The following RBFOX1 variants were observed in gnomAD, a reference collection of about 807,000 sequenced individuals.
RBFOX1 encodes RNA binding fox-1 homolog 1.
RBFOX1 carries 8 observed loss-of-function variants against 57.7 expected under a neutral mutation model. The observed-to-expected ratio is 0.14, with a 90% confidence interval of 0.08 to 0.25. RBFOX1 has a LOEUF of 0.25. Among genes scored for constraint, RBFOX1 ranks in the 10% least tolerant of loss-of-function variants. RBFOX1 has a pLI of 1.00. For missense variants in RBFOX1, 611 were observed against 548.5 expected, an observed-to-expected ratio of 1.11 and a Z score of -1.14; for synonymous variants, 326 against 222.4, an observed-to-expected ratio of 1.47 and a Z score of -4.15.
At chr16:7,285,818 C>G (rs1266694130) in intron 4 of RBFOX1, among the ~76,000 whole-genome samples, 2 of 152,136 alleles carry the variant, frequency 1.3e-5, no homozygotes, top group Non-Finnish European at 2.9e-5. Flanking sequence ...GGATTTAGCT[C>G]TTATAAATAA....
At chr16:7,560,657 T>C (rs1471808491) in intron 5 of RBFOX1, among the ~76,000 whole-genome samples, 4 of 152,060 alleles carry the variant, frequency 2.6e-5, no homozygotes, top group Non-Finnish European at 4.4e-5. Context: ...TTTTCATAAA[T>C]TGAGATTCAG....
chr16:6,549,525 GGGAGGA>G (rs1196682002), intron 2 of RBFOX1, among the ~76,000 whole-genome samples: 2 of 112,874 alleles, frequency 1.8e-5, no homozygotes, highest in Non-Finnish European at 3.9e-5. Context: ...GAGGAGAGGA[GGGAGGA>G]GGAGGAGGGG....
intron 2 of RBFOX1, among the ~76,000 whole-genome samples, chr16:6,379,409 C>T (rs545730457): frequency 2.0e-5 from 3 of 152,230 alleles, no homozygotes; most frequent in Admixed American, 6.5e-5. Context: ...TAATGGCCCC[C>T]GCCCCCCTAC....
At chr16:5,442,341 C>T (rs997372660) in intron 1 of RBFOX1, among the ~76,000 whole-genome samples, 4 of 152,182 alleles carry the variant, frequency 2.6e-5, no homozygotes, top group African/African-American at 9.7e-5. Flanking sequence ...GGCCACAAGG[C>T]CAAGGAAGCC....
chr16:6,838,388 C>T (rs943970354), intron 3 of RBFOX1, among the ~76,000 whole-genome samples: 5 of 152,174 alleles, frequency 3.3e-5, no homozygotes, highest in African/African-American at 1.2e-4. Flanking sequence ...ATAATATTCC[C>T]TGGTGCATAT....
At chr16:6,881,925 C>T (rs975706534) in intron 3 of RBFOX1, among the ~76,000 whole-genome samples, 1 of 152,122 alleles carries the variant, frequency 6.6e-6, no homozygotes, top group African/African-American at 2.4e-5. Flanking sequence ...ATGTAGGCTC[C>T]TGCTGGCTAA....
chr16:6,202,896 C>T lies in RBFOX1; in HGVS notation c.-126-114099C>T, dbSNP rs189421443. Among the ~76,000 whole-genome samples, 568 of 152,158 alleles carry T rather than the reference C, an allele frequency of 3.7e-3. 19 individuals are homozygous for T. Among genetic ancestry groups the T allele is most frequent in the Non-Finnish European group, 7.8e-4 (53 of 67,996 alleles). On this transcript the variant is annotated intron_variant, in intron 1 of 15. Coordinates refer to ENST00000550418, the MANE Select transcript of RBFOX1 (RefSeq NM_018723.4). ...CAAATATTCCTCCTGCCTCAGCCTCCCAAGTAGCTGGGACTACAGGTGCAT... is the reference window on the plus strand; with the variant it reads ...CAAATATTCCTCCTGCCTCAGCCTCTCAAGTAGCTGGGACTACAGGTGCAT...
chr16:6,381,860 A>G (rs2091849549), intron 2 of RBFOX1, among the ~76,000 whole-genome samples: 1 of 152,196 alleles, frequency 6.6e-6, no homozygotes, highest in Non-Finnish European at 1.5e-5. Context: ...CGGGCTGTTT[A>G]TAGGGCACGG....
chr16:5,685,725 G>C (rs1250172018), intron 3 of RBFOX1, among the ~76,000 whole-genome samples: 1 of 152,148 alleles, frequency 6.6e-6, no homozygotes, highest in Non-Finnish European at 1.5e-5. Context: ...GGAGAGGGTG[G>C]TGCCTCCTTC....
At chr16:7,170,062 A>G (rs1189897175) in intron 4 of RBFOX1, among the ~76,000 whole-genome samples, 1 of 152,196 alleles carries the variant, frequency 6.6e-6, no homozygotes, top group Admixed American at 6.5e-5. Context: ...TGATAGAGGA[A>G]GACCCTGTCT....
At chr16:5,776,524 G>A (rs1015279312) in intron 3 of RBFOX1, among the ~76,000 whole-genome samples, 2 of 152,172 alleles carry the variant, frequency 1.3e-5, no homozygotes, top group African/African-American at 4.8e-5. Context: ...AATAAGGGTT[G>A]GTATTTATTA....
chr16:5,610,692 T>TA (rs34321335), intron 3 of RBFOX1: 92,872 of 151,012 alleles, frequency 0.61, 31,550 homozygotes, highest in East Asian at 0.78. Flanking sequence ...ATCAGAAAAT[T>TA]AAAAAAAAAT....
chr16:6,604,874 G>A (rs572788239), intron 2 of RBFOX1, among the ~76,000 whole-genome samples: 5 of 152,182 alleles, frequency 3.3e-5, no homozygotes, highest in African/African-American at 4.8e-5. Flanking sequence ...GGTGGCACAC[G>A]CCTGTAATCT....
At chr16:6,480,988 C>A (rs1253291963) in intron 2 of RBFOX1, among the ~76,000 whole-genome samples, 1 of 152,162 alleles carries the variant, frequency 6.6e-6, no homozygotes, top group Non-Finnish European at 1.5e-5. Context: ...CAAGCAATAG[C>A]AATTATATCC....
chr16:6,592,040 GT>G (rs1367351243), intron 2 of RBFOX1, among the ~76,000 whole-genome samples: 2 of 152,168 alleles, frequency 1.3e-5, no homozygotes, highest in Non-Finnish European at 2.9e-5. Flanking sequence ...AAACTTAACA[GT>G]TTCAGACTTC....
intron 2 of RBFOX1, among the ~76,000 whole-genome samples, chr16:5,588,182 C>A (rs1028816373): frequency 2.0e-5 from 3 of 151,820 alleles, no homozygotes; most frequent in East Asian, 1.9e-4. Context: ...GAAAGTAGAT[C>A]GGTGATTGCT....
intron 3 of RBFOX1, among the ~76,000 whole-genome samples, chr16:5,799,440 G>A (rs1409858553): frequency 6.6e-6 from 1 of 152,130 alleles, no homozygotes; most frequent in Non-Finnish European, 1.5e-5. Context: ...TATGGTCCCC[G>A]AATTATGATG....
chr16:7,654,690 T>A (rs1000966122), intron 12 of RBFOX1, among the ~76,000 whole-genome samples: 2 of 152,134 alleles, frequency 1.3e-5, no homozygotes, highest in Non-Finnish European at 1.5e-5. Context: ...GAAATGCTAG[T>A]CTGTCCCTCT....
intron 4 of RBFOX1, among the ~76,000 whole-genome samples, chr16:7,176,048 G>C (rs1390816984): frequency 6.6e-6 from 1 of 151,826 alleles, no homozygotes; most frequent in Non-Finnish European, 1.5e-5. Context: ...AACCAAGATG[G>C]ACCTCAGCCA....
Sources: allele counts gnomAD v4.1 joint callset (sites outside exome capture counted in the v4.1 genomes callset), GRCh38; gene constraint gnomAD v4.1.1; transcripts MANE v1.5; gene names NCBI Gene and HGNC (gene_info 2026-07-23, HGNC 2026-07-21).